Variants in DAB1 observed in about 807,000 individuals in gnomAD.
DAB1 encodes DAB adaptor protein 1.
A neutral mutation model predicts 64.6 loss-of-function variants in DAB1; 15 were observed. The observed-to-expected ratio is 0.23, with a 90% CI of 0.16 to 0.36. The LOEUF is 0.36. Among genes scored for constraint, DAB1 ranks in the 10% least tolerant of loss-of-function variants. DAB1 has a pLI of 1.00. For synonymous variants in DAB1, 235 were observed against 251.9 expected, an observed-to-expected ratio of 0.93 and a Z score of 0.64; for missense variants, 596 against 706.7, an observed-to-expected ratio of 0.84 and a Z score of 1.78.
chr1:57,033,706 T>G, intron 9 of DAB1: 1 of 820,554 alleles, frequency 1.2e-6, no homozygotes, highest in Non-Finnish European at 2.0e-6. Context: ...GTTTCCAATG[T>G]CTGTGAAAAT....
intron 9 of DAB1, among the ~76,000 whole-genome samples, chr1:57,028,976 T>C (rs1646880531): frequency 6.6e-6 from 1 of 152,170 alleles, no homozygotes; most frequent in South Asian, 2.1e-4. Flanking sequence ...TTTGCATAAG[T>C]AGCAAGGAGT....
chr1:57,837,918 T>C (rs1652883625), intron 1 of DAB1, among the ~76,000 whole-genome samples: 1 of 150,970 alleles, frequency 6.6e-6, no homozygotes, highest in Non-Finnish European at 1.5e-5. Context: ...TTAATATCAT[T>C]ATCACTTCCA....
intron 7 of DAB1, among the ~76,000 whole-genome samples, chr1:57,588,964 G>A (rs1192477676): frequency 2.6e-5 from 4 of 151,842 alleles, no homozygotes; most frequent in East Asian, 1.9e-4. Flanking sequence ...GGCTGGGCGC[G>A]GTGGCTCACG....
intron 6 of DAB1, among the ~76,000 whole-genome samples, chr1:57,697,845 T>C (rs556280844): frequency 1.3e-5 from 2 of 152,244 alleles, no homozygotes; most frequent in Admixed American, 6.5e-5. Flanking sequence ...GTCACTCAAA[T>C]ACCTCCAGGG....
At chr1:57,470,222 AT>A (rs1252064947) in intron 7 of DAB1, among the ~76,000 whole-genome samples, 2 of 152,234 alleles carry the variant, frequency 1.3e-5, no homozygotes, top group Non-Finnish European at 2.9e-5. Flanking sequence ...ACTCCAGTGC[AT>A]GCTCATGTTA....
chr1:57,758,469 T>C (rs1314487366), intron 6 of DAB1, among the ~76,000 whole-genome samples: 1 of 152,214 alleles, frequency 6.6e-6, no homozygotes, highest in African/African-American at 2.4e-5. Flanking sequence ...GAAGTGATGA[T>C]TGTTTTTATT....
At chr1:57,824,410 A>G (rs1249549643), downstream of DAB1, among the ~76,000 whole-genome samples, 1 of 152,124 alleles carries the variant, frequency 6.6e-6, no homozygotes, top group Non-Finnish European at 1.5e-5. Context: ...ATTGCTTTTG[A>G]AATTTGACTA....
chr1:57,349,854 T>C (rs1362999683), intron 1 of DAB1, among the ~76,000 whole-genome samples: 2 of 152,194 alleles, frequency 1.3e-5, no homozygotes, highest in African/African-American at 4.8e-5. Flanking sequence ...GTGACTAAAA[T>C]ACTGATTGTA....
At chr1:58,110,283 T>TA (rs1450443193) in intron 5 of DAB1, among the ~76,000 whole-genome samples, 2 of 152,228 alleles carry the variant, frequency 1.3e-5, no homozygotes, top group African/African-American at 4.8e-5. Flanking sequence ...ACTTTTTTTT[T>TA]ACCTTAGTTC....
chr1:57,011,718 G>T (rs759397329), intron 12 of DAB1, among the ~76,000 whole-genome samples: 1 of 152,166 alleles, frequency 6.6e-6, no homozygotes. Flanking sequence ...GTTATTGAGC[G>T]CCTTTCATGT....
chr1:57,568,517 A>T (rs551639184), intron 7 of DAB1, among the ~76,000 whole-genome samples: 1 of 152,222 alleles, frequency 6.6e-6, no homozygotes, highest in Non-Finnish European at 1.5e-5. Context: ...AAATTTTTGC[A>T]ATCTACTCAT....
intron 1 of DAB1, among the ~76,000 whole-genome samples, chr1:57,404,652 A>G (rs1163885171): frequency 6.6e-6 from 1 of 152,348 alleles, no homozygotes; most frequent in East Asian, 1.9e-4. Flanking sequence ...TGAGAAAAAA[A>G]TACTGAAAGA....
chr1:58,276,807 T>A (rs1661456421), intron 4 of DAB1, among the ~76,000 whole-genome samples: 1 of 152,160 alleles, frequency 6.6e-6, no homozygotes, highest in African/African-American at 2.4e-5. Flanking sequence ...TTTCACTGAT[T>A]ATGCACATCA....
intron 6 of DAB1, among the ~76,000 whole-genome samples, chr1:57,651,004 T>G (rs1646249734): frequency 6.6e-6 from 1 of 152,150 alleles, no homozygotes; most frequent in African/African-American, 2.4e-5. Flanking sequence ...AAAGAATTAA[T>G]TAATGAAATG....
At chr1:57,010,513 A>G (rs1418496534) in intron 14 of DAB1, among the ~76,000 whole-genome samples, 167 bp downstream of exon 14, 4 of 152,194 alleles carry the variant, frequency 2.6e-5, no homozygotes, top group Non-Finnish European at 5.9e-5. Context: ...TAGTGCAAAC[A>G]TCAGGAATAC....
At chr1:58,141,470 C>A (rs565716522) in intron 5 of DAB1, among the ~76,000 whole-genome samples, 1 of 152,210 alleles carries the variant, frequency 6.6e-6, no homozygotes, top group Non-Finnish European at 1.5e-5. Flanking sequence ...ATAGAGGCTA[C>A]AATTTAAGAT....
intron 4 of DAB1, among the ~76,000 whole-genome samples, chr1:58,234,423 A>G (rs1659919736): frequency 6.6e-6 from 1 of 152,204 alleles, no homozygotes; most frequent in Non-Finnish European, 1.5e-5. Context: ...CCCCACAAAA[A>G]TGACATTTCA....
At chr1:57,306,249 C>T (rs369167847) in intron 1 of DAB1, among the ~76,000 whole-genome samples, 1 of 152,222 alleles carries the variant, frequency 6.6e-6, no homozygotes, top group South Asian at 2.1e-4. Context: ...AACCATACTG[C>T]CTTCATAAAT....
intron 1 of DAB1, among the ~76,000 whole-genome samples, chr1:57,294,543 C>T (rs980174357): frequency 2.0e-5 from 3 of 152,094 alleles, no homozygotes; most frequent in East Asian, 1.9e-4. Context: ...CTATAACACA[C>T]ATTTGTGTTC....
Sources: allele counts gnomAD v4.1 joint callset (sites outside exome capture counted in the v4.1 genomes callset), GRCh38; gene constraint gnomAD v4.1.1; transcripts MANE v1.5; gene names NCBI Gene and HGNC (gene_info 2026-07-23, HGNC 2026-07-21).